Variants in RALYL observed in about 807,000 individuals in gnomAD.
RALYL encodes the protein RALY RNA binding protein like, also known as RNA-binding Raly-like protein.
Under a neutral mutation model 35.1 loss-of-function variants are expected in RALYL, and 29 were observed. That is an observed-to-expected ratio of 0.83 (90% CI 0.61 to 1.13). RALYL has a LOEUF of 1.13. Among genes scored for constraint, RALYL ranks in the 50% most tolerant of loss-of-function variants. The pLI is 0.00. For synonymous variants in RALYL, 120 were observed against 127.6 expected, an observed-to-expected ratio of 0.94 and a Z score of 0.40; for missense variants, 359 against 360.4, an observed-to-expected ratio of 1.00 and a Z score of 0.03.
chr8:84,731,406 T>C (rs1321649344), intron 2 of RALYL, among the ~76,000 whole-genome samples: 1 of 152,150 alleles, frequency 6.6e-6, no homozygotes, highest in Non-Finnish European at 1.5e-5. Flanking sequence ...AATCTTCCTC[T>C]ATTTTGGGGT....
At chr8:84,460,616 G>A (rs2050658792) in intron 1 of RALYL, among the ~76,000 whole-genome samples, 2 of 151,692 alleles carry the variant, frequency 1.3e-5, no homozygotes, top group South Asian at 2.1e-4. Context: ...GCCTATATAT[G>A]TATTTGCATA....
chr8:84,913,081 T>TACAC (rs1847865348), intron 8 of RALYL, among the ~76,000 whole-genome samples: 1 of 151,838 alleles, frequency 6.6e-6, no homozygotes, highest in Non-Finnish European at 1.5e-5. Flanking sequence ...GATAGATAGA[T>TACAC]AGATAGATAC....
intron 1 of RALYL, among the ~76,000 whole-genome samples, chr8:84,269,350 G>C (rs1001104174): frequency 1.3e-5 from 2 of 152,198 alleles, no homozygotes; most frequent in African/African-American, 2.4e-5. Context: ...AGAAGTCTTA[G>C]TGGGAGTGAT....
chr8:84,583,542 A>T (rs1811317932), intron 2 of RALYL, among the ~76,000 whole-genome samples: 1 of 152,144 alleles, frequency 6.6e-6, no homozygotes, highest in Admixed American at 6.5e-5. Flanking sequence ...TAATTTTTGG[A>T]ATGACTAAGA....
intron 2 of RALYL, among the ~76,000 whole-genome samples, chr8:84,764,601 T>C (rs1813472328): frequency 6.6e-6 from 1 of 152,158 alleles, no homozygotes; most frequent in Non-Finnish European, 1.5e-5. Flanking sequence ...CCTGGGAGCA[T>C]GGAGAATTTT....
rs553341021 is a variant in RALYL, at chr8:84,690,515, A to G, written c.257-84064A>G. Among the ~76,000 whole-genome samples the G allele has an allele frequency of 9.9e-5, 15 of 152,164 alleles. 1 individual carries two copies. Among genetic ancestry groups the G allele is most frequent in the Non-Finnish European group, 1.5e-4 (10 of 68,004 alleles). On this transcript the variant is annotated intron_variant, in intron 2 of 8. Transcript: ENST00000521268. ...AGTAGACCTTAAATGGTCTCATCAC[A>G]CAAAAATGGTAATGGATGTGTTAAG...
intron 2 of RALYL, among the ~76,000 whole-genome samples, chr8:84,712,661 A>T (rs1288209951): frequency 6.6e-6 from 1 of 152,078 alleles, no homozygotes; most frequent in Non-Finnish European, 1.5e-5. Flanking sequence ...TTATATCTAC[A>T]CTTGCATAAA....
At chr8:84,737,836 C>A (rs1171077377) in intron 2 of RALYL, among the ~76,000 whole-genome samples, 1 of 151,952 alleles carries the variant, frequency 6.6e-6, no homozygotes, top group Non-Finnish European at 1.5e-5. Flanking sequence ...GAAAACATGG[C>A]CCTCTATGAG....
intron 1 of RALYL, among the ~76,000 whole-genome samples, chr8:84,282,891 C>T (rs1277990362): frequency 3.3e-5 from 5 of 151,758 alleles, no homozygotes; most frequent in Admixed American, 1.3e-4. Context: ...AATAGAAGAG[C>T]GCGTTCAACT....
chr8:84,328,466 T>G (rs953524727), intron 1 of RALYL, among the ~76,000 whole-genome samples: 20 of 152,214 alleles, frequency 1.3e-4, no homozygotes, highest in Admixed American at 3.3e-4. Flanking sequence ...TAATTTCACA[T>G]GTCAACAGCA....
At chr8:84,782,989 T>C (rs925566870) in intron 3 of RALYL, among the ~76,000 whole-genome samples, 2 of 152,250 alleles carry the variant, frequency 1.3e-5, no homozygotes, top group African/African-American at 4.8e-5. Context: ...CAACCTATGA[T>C]AAATTTGTAA....
At chr8:84,261,842 G>A (rs564637182) in intron 1 of RALYL, among the ~76,000 whole-genome samples, 2 of 151,798 alleles carry the variant, frequency 1.3e-5, no homozygotes, top group Admixed American at 6.6e-5. Flanking sequence ...TTTTTAAGAT[G>A]TATATCTTAA....
chr8:84,415,399 T>G (rs893875358), intron 1 of RALYL, among the ~76,000 whole-genome samples: 17 of 151,902 alleles, frequency 1.1e-4, no homozygotes, highest in Admixed American at 1.0e-3. Flanking sequence ...GCCACGACGC[T>G]TGGCTAATTT....
chr8:84,483,595 TA>T (rs1407035130), intron 1 of RALYL, among the ~76,000 whole-genome samples: 1 of 152,142 alleles, frequency 6.6e-6, no homozygotes, highest in Non-Finnish European at 1.5e-5. Context: ...TAATTTTGCC[TA>T]TATGCAACCA....
At chr8:84,404,537 G>A (rs954010656) in intron 1 of RALYL, among the ~76,000 whole-genome samples, 1 of 152,162 alleles carries the variant, frequency 6.6e-6, no homozygotes, top group African/African-American at 2.4e-5. Context: ...GATTGTGGTG[G>A]ATAAGCTTTT....
intron 4 of RALYL, among the ~76,000 whole-genome samples, chr8:84,816,689 T>C (rs1827375012): frequency 6.6e-6 from 1 of 152,142 alleles, no homozygotes. Flanking sequence ...GAATAAGACC[T>C]ATTTGATTGC....
chr8:84,759,918 A>G (rs1812293639), intron 2 of RALYL, among the ~76,000 whole-genome samples: 3 of 152,122 alleles, frequency 2.0e-5, no homozygotes, highest in Non-Finnish European at 2.9e-5. Flanking sequence ...GACCTCCACC[A>G]GTGATTTATA....
intron 1 of RALYL, among the ~76,000 whole-genome samples, chr8:84,491,794 C>G (rs775738787): frequency 2.0e-5 from 3 of 151,994 alleles, no homozygotes; most frequent in Admixed American, 6.6e-5. Context: ...TGATGATAAT[C>G]TCTCGTACAT....
At chr8:84,916,307 G>T (rs1848468945) in intron 8 of RALYL, among the ~76,000 whole-genome samples, 1 of 151,608 alleles carries the variant, frequency 6.6e-6, no homozygotes, top group South Asian at 2.1e-4. Context: ...ATTAGACATA[G>T]AAAATGATAT....
Sources: gnomAD v4.1 joint callset for allele counts (sites outside exome capture counted in the v4.1 genomes callset) on GRCh38, gnomAD v4.1.1 for gene constraint, MANE v1.5 for transcripts, NCBI Gene and HGNC (gene_info 2026-07-23, HGNC 2026-07-21) for gene names.